Variants in SHANK2 observed in about 807,000 individuals in gnomAD.
SHANK2 encodes the protein SH3 and multiple ankyrin repeat domains protein 2.
In SHANK2, 43 loss-of-function variants were observed where a neutral mutation model predicts 133.7. That is an observed-to-expected ratio of 0.32 (90% CI 0.25 to 0.41). The LOEUF (loss-of-function observed/expected upper bound fraction) is 0.41. Ranked by LOEUF, SHANK2 falls within the 10% of genes least tolerant of loss-of-function variation. SHANK2 has a pLI of 1.00. For missense variants in SHANK2, 1,994 were observed against 2,235.8 expected (o/e 0.89, Z 2.18); for synonymous variants, 1,017 against 952.8 (o/e 1.07, Z -1.24).
intron 2 of SHANK2, among the ~76,000 whole-genome samples, chr11:71,191,409 C>T (rs1248556217): frequency 6.6e-6 from 1 of 152,058 alleles, no homozygotes; most frequent in East Asian, 1.9e-4. Flanking sequence ...CCGCACAGGG[C>T]TGGGTCCTCC....
intron 17 of SHANK2, among the ~76,000 whole-genome samples, chr11:70,515,715 GA>G (rs1180693043): frequency 2.8e-4 from 42 of 151,418 alleles, no homozygotes; most frequent in African/African-American, 1.0e-3. Context: ...AGCTATTCAG[GA>G]GGCTGAGGTG....
chr11:70,591,752 C>T (rs1325200849), intron 17 of SHANK2, among the ~76,000 whole-genome samples: 2 of 152,116 alleles, frequency 1.3e-5, no homozygotes, highest in Non-Finnish European at 2.9e-5. Flanking sequence ...CGCGGTGGCT[C>T]ACACCTGTAA....
intron 14 of SHANK2, among the ~76,000 whole-genome samples, chr11:70,797,525 C>T (rs1392452500): frequency 6.6e-6 from 1 of 152,182 alleles, no homozygotes; most frequent in Non-Finnish European, 1.5e-5. Context: ...ACAGACTCCT[C>T]CTTGCTTTCC....
At chr11:70,519,090 T>C (rs1554970560) in intron 17 of SHANK2, among the ~76,000 whole-genome samples, 1 of 152,074 alleles carries the variant, frequency 6.6e-6, no homozygotes, top group Non-Finnish European at 1.5e-5. Flanking sequence ...TTGTATTTTT[T>C]TGTAGAGATG....
At chr11:70,728,100 C>A (rs782145297) in intron 14 of SHANK2, among the ~76,000 whole-genome samples, 1 of 152,178 alleles carries the variant, frequency 6.6e-6, no homozygotes, top group Non-Finnish European at 1.5e-5. Flanking sequence ...CAGGTGTATG[C>A]GGAGCCTACA....
chr11:70,910,918 G>A (rs1001857003), intron 10 of SHANK2: 16 of 453,116 alleles, frequency 3.5e-5, no homozygotes, highest in African/African-American at 1.8e-4. Flanking sequence ...GTGTGTGCGC[G>A]TGCATGTGCA....
At chr11:70,872,373 GACGGGGTGC>G (rs1949481775) in intron 11 of SHANK2, 1 of 154,348 alleles carries the variant, frequency 6.5e-6, no homozygotes, top group South Asian at 2.1e-4. Context: ...TTACAGAGGA[GACGGGGTGC>G]ACAGTGGAAA....
chr11:70,895,031 A>G (rs1169398812), intron 11 of SHANK2, among the ~76,000 whole-genome samples: 6 of 152,218 alleles, frequency 3.9e-5, no homozygotes, highest in African/African-American at 1.4e-4. Flanking sequence ...GCGCTCATGG[A>G]GGTGCTGAGG....
At chr11:70,918,662 C>T (rs1555080262) in intron 10 of SHANK2, among the ~76,000 whole-genome samples, 1 of 152,044 alleles carries the variant, frequency 6.6e-6, no homozygotes, top group East Asian at 2.0e-4. Flanking sequence ...CCCACAACTA[C>T]ACCTGGCTAA....
intron 6 of SHANK2, among the ~76,000 whole-genome samples, chr11:71,108,937 GCC>G (rs145726757): frequency 1.5e-4 from 23 of 150,912 alleles, no homozygotes; most frequent in Non-Finnish European, 2.8e-4. Context: ...CACCCAGCGG[GCC>G]CCCCCCCAGC....
intron 17 of SHANK2, among the ~76,000 whole-genome samples, chr11:70,647,045 A>G (rs1162734319): frequency 6.6e-6 from 1 of 151,600 alleles, no homozygotes; most frequent in Non-Finnish European, 1.5e-5. Context: ...TATTTTTTTT[A>G]GTAGAGATAG....
intron 8 of SHANK2, among the ~76,000 whole-genome samples, chr11:71,089,870 T>C (rs1229104267): frequency 6.6e-6 from 1 of 151,708 alleles, no homozygotes; most frequent in Non-Finnish European, 1.5e-5. Flanking sequence ...GCTGGAACCG[T>C]TGGTTGACAA....
In SHANK2 at chr11:70,866,126, T is replaced by G. The variant is rs150398851; in HGVS notation, c.1174+30375A>C. ...GGAAAGGCCTAGGGTGGTCTCCACT[T>G]TCTGGATTAGACTCTCACCCCCAGG... is the stretch of plus-strand genomic sequence containing the variant. On this transcript the variant is annotated intron_variant, in intron 11 of 25. Coordinates refer to ENST00000601538, the MANE Select transcript of SHANK2 (RefSeq NM_012309.5). 3.7e-4 allele frequency among the ~76,000 whole-genome samples: 56 copies of G among 152,236 alleles called. 1 individual carries two copies. The East Asian group carries it at 0.01, about 27-fold the overall frequency.
intron 17 of SHANK2, among the ~76,000 whole-genome samples, chr11:70,598,825 A>G (rs1412407874): frequency 2.0e-5 from 3 of 152,270 alleles, no homozygotes; most frequent in South Asian, 4.1e-4. Flanking sequence ...CAAGTGATAC[A>G]AAAAAGGACT....
rs1555154702 is a variant in SHANK2, at chr11:70,487,728, C to G, written c.2573-8G>C. ...GCTCTTCCTCTGTTATTCCTACAAG[C>G]AGAAAACAGGTTTAGCTTTAAGTCA... On this transcript the variant is annotated splice_region_variant and splice_polypyrimidine_tract_variant and intron_variant, in intron 24 of 25. Transcript: ENST00000601538. The surrounding 1 kb of genome is among the most constrained non-coding windows in gnomAD (Gnocchi z 5.8). 2 of 1,553,544 alleles carry G rather than the reference C, an allele frequency of 1.3e-6. No homozygotes were observed. The highest frequency in any genetic ancestry group is 1.7e-6 in the Non-Finnish European group (2 of 1,148,404).
chr11:70,653,845 G>A (rs1225129425), intron 17 of SHANK2, among the ~76,000 whole-genome samples: 6 of 152,154 alleles, frequency 3.9e-5, no homozygotes, highest in African/African-American at 1.4e-4. Context: ...TGTTGGCCAT[G>A]CTGGTCTCGA....
At chr11:71,145,272 C>G (rs1170760958) in intron 3 of SHANK2, among the ~76,000 whole-genome samples, 2 of 152,138 alleles carry the variant, frequency 1.3e-5, no homozygotes, top group Non-Finnish European at 2.9e-5. Context: ...ACATAAAATA[C>G]ACTAACACTA....
At position 70,493,238 on chromosome 11, in the gene SHANK2, A is replaced by G. The variant is rs371560274; in HGVS notation, c.2309-773T>C. ...GGTTCCTTTGTAACTGTGATTGCCA[A>G]GACATGAGGATCTGCCACCCAAGGC... is the stretch of plus-strand genomic sequence containing the variant. On this transcript the variant is annotated intron_variant, in intron 21 of 25. Transcript: ENST00000601538. Among the ~76,000 whole-genome samples the G allele has an allele frequency of 1.2e-4, 18 of 149,448 alleles. No homozygotes were observed. In the East Asian group the frequency reaches 2.0e-3, roughly 16 times the overall value.
At chr11:71,222,633 A>T (rs1555121413) in intron 2 of SHANK2, among the ~76,000 whole-genome samples, 1 of 152,230 alleles carries the variant, frequency 6.6e-6, no homozygotes, top group East Asian at 1.9e-4. Context: ...GCAAGCCCCA[A>T]GTCCAAGCTC....
Sources: gnomAD v4.1 joint callset for allele counts (sites outside exome capture counted in the v4.1 genomes callset) on GRCh38, gnomAD v4.1.1 for gene constraint, Gnocchi (gnomAD v3.1) non-coding constraint, MANE v1.5 for transcripts, NCBI Gene and HGNC (gene_info 2026-07-23, HGNC 2026-07-21) for gene names.